Variants in PNLIPRP3 observed in about 807,000 individuals in gnomAD.
The protein encoded by PNLIPRP3 is pancreatic lipase-related protein 3.
A neutral mutation model predicts 52.8 loss-of-function variants in PNLIPRP3; 58 were observed. That is an observed-to-expected ratio of 1.10 (90% CI 0.89 to 1.37). The LOEUF is 1.37. Among genes scored for constraint, PNLIPRP3 ranks in the 40% most tolerant of loss-of-function variants. The pLI is 0.00. For synonymous variants in PNLIPRP3, 192 were observed against 185.0 expected (o/e 1.04, Z -0.31); for missense variants, 593 against 561.6 (o/e 1.06, Z -0.57).
intron 1 of PNLIPRP3, among the ~76,000 whole-genome samples, chr10:116,434,554 T>C (rs1845750446): frequency 6.6e-6 from 1 of 152,190 alleles, no homozygotes; most frequent in South Asian, 2.1e-4. Context: ...TCCATTTTCC[T>C]TTAACTTTAC....
chr10:116,440,773 AC>A (rs1160706608), intron 2 of PNLIPRP3, among the ~76,000 whole-genome samples: 3 of 152,158 alleles, frequency 2.0e-5, no homozygotes, highest in Non-Finnish European at 4.4e-5. Flanking sequence ...ACCTAGAGTG[AC>A]TTATACAGTC....
intron 1 of PNLIPRP3, 113 bp downstream of exon 1, chr10:116,428,174 A>G (rs1301650565): frequency 2.6e-6 from 2 of 760,170 alleles, no homozygotes; most frequent in Non-Finnish European, 2.1e-6. Flanking sequence ...TTTCATTCTT[A>G]AGTAGTTTAT....
chr10:116,476,575 C>A, intron 10 of PNLIPRP3, 77 bp from the exon 11 acceptor site: 2 of 1,158,980 alleles, frequency 1.7e-6, no homozygotes, highest in Non-Finnish European at 2.4e-6. Context: ...TTCCATAGTG[C>A]ATACACAGAT....
chr10:116,441,038 T>G (rs1366885448), intron 2 of PNLIPRP3, among the ~76,000 whole-genome samples: 1 of 152,188 alleles, frequency 6.6e-6, no homozygotes, highest in South Asian at 2.1e-4. Flanking sequence ...CTGTACAATA[T>G]TGACATCATT....
chr10:116,428,741 C>T (rs1845670588), intron 1 of PNLIPRP3, among the ~76,000 whole-genome samples: 1 of 152,064 alleles, frequency 6.6e-6, no homozygotes, highest in Non-Finnish European at 1.5e-5. Context: ...TATAAGCAAA[C>T]ATTAAAATTA....
chr10:116,434,160 C>G (rs965552223), intron 1 of PNLIPRP3, among the ~76,000 whole-genome samples: 1 of 152,128 alleles, frequency 6.6e-6, no homozygotes, highest in East Asian at 1.9e-4. Context: ...AAGAAGTACT[C>G]TTTCTCTCCT....
At chr10:116,460,190 C>A (rs1181752075) in intron 5 of PNLIPRP3, among the ~76,000 whole-genome samples, 1 of 152,186 alleles carries the variant, frequency 6.6e-6, no homozygotes, top group African/African-American at 2.4e-5. Flanking sequence ...GACTGGGGTG[C>A]CTTTCCCATC....
intron 7 of PNLIPRP3, among the ~76,000 whole-genome samples, chr10:116,461,992 G>C (rs767419385): frequency 2.6e-5 from 4 of 152,130 alleles, no homozygotes; most frequent in Non-Finnish European, 5.9e-5. Context: ...GAGGGAACCA[G>C]GCAGAGGGCA....
In PNLIPRP3 at chr10:116,444,397, G is replaced by T; in HGVS notation, c.340G>T (p.Glu114Ter). ...TTTGTGCCAGGTGTTGCTACAGCTGGAAGATATAAATTGCATTAATTTAGA... is the reference window on the plus strand; with the variant it reads ...TTTGTGCCAGGTGTTGCTACAGCTGTAAGATATAAATTGCATTAATTTAGA... Reference protein sequence around the residue: ...RDMCNVLLQLEDINCINLDWI... With the variant: ...RDMCNVLLQL Residue 114 changes from glutamate to a stop codon, truncating the protein, a stop_gained, in exon 4 of 12, where the codon GAA becomes TAA. Coordinates refer to ENST00000369230, the MANE Select transcript of PNLIPRP3 (RefSeq NM_001011709.3). LOFTEE classifies it high-confidence loss of function. The T allele has an allele frequency of 5.0e-6, 8 of 1,608,286 alleles. No homozygotes were observed. Among genetic ancestry groups the T allele is most frequent in the Non-Finnish European group, 5.1e-6 (6 of 1,176,898 alleles).
chr10:116,473,201 G>A (rs1014120740), intron 10 of PNLIPRP3, among the ~76,000 whole-genome samples: 3 of 152,232 alleles, frequency 2.0e-5, no homozygotes, highest in Non-Finnish European at 4.4e-5. Context: ...AGCATTGAAG[G>A]TTCACAGCAG....
chr10:116,461,142 A>T (rs543246754), intron 6 of PNLIPRP3, 26 bp from the exon 7 acceptor site: 1 of 1,614,176 alleles, frequency 6.2e-7, no homozygotes, highest in Admixed American at 1.7e-5. Flanking sequence ...TTTTAGAGGC[A>T]TTTACCCTGT....
intron 5 of PNLIPRP3, among the ~76,000 whole-genome samples, chr10:116,458,850 T>A (rs931550103): frequency 3.3e-5 from 5 of 152,144 alleles, no homozygotes; most frequent in African/African-American, 4.8e-5. Flanking sequence ...CCTAGCCTAT[T>A]GCATTCCTCT....
At chr10:116,460,816 T>C in intron 5 of PNLIPRP3, 150 bp from the exon 6 acceptor site, 2 of 1,068,636 alleles carry the variant, frequency 1.9e-6, no homozygotes, top group Non-Finnish European at 1.3e-6. Context: ...ATAGAGACCC[T>C]ACATTTATAG....
intron 1 of PNLIPRP3, among the ~76,000 whole-genome samples, chr10:116,435,046 T>C (rs1049697748): frequency 1.3e-5 from 2 of 152,174 alleles, no homozygotes; most frequent in African/African-American, 4.8e-5. Context: ...ATTTGAATCA[T>C]CTCCTTTGAA....
Position 116,477,390 on chromosome 10 carries a change from G to T in PNLIPRP3, c.*237G>T, listed in dbSNP as rs142739759. On this transcript the variant is annotated 3_prime_UTR_variant, in exon 12 of 12. Transcript: ENST00000369230. ...AATTACTATGATCTGTAGGAATCTG[G>T]ATATCATTGACAAAATAGAGCTGTT... 7.6e-4 allele frequency: 244 copies of T among 321,072 alleles called. 4 individuals carry two copies. In the East Asian group the frequency reaches 0.013, roughly 18 times the overall value. 19.9% of individuals were successfully genotyped at this position (321,072 alleles called of 1,614,324 possible).
chr10:116,472,961 G>A (rs562667392), intron 10 of PNLIPRP3, among the ~76,000 whole-genome samples: 2 of 152,348 alleles, frequency 1.3e-5, no homozygotes, highest in South Asian at 4.1e-4. Flanking sequence ...GAGCAGTTCA[G>A]CATAATCATG....
intron 9 of PNLIPRP3, among the ~76,000 whole-genome samples, chr10:116,471,138 C>T (rs1210666774): frequency 3.9e-5 from 6 of 152,082 alleles, no homozygotes; most frequent in Non-Finnish European, 7.4e-5. Context: ...TGTTATTAAG[C>T]GTACAGTAAT....
chr10:116,433,809 A>G (rs142330536), intron 1 of PNLIPRP3, among the ~76,000 whole-genome samples: 2 of 151,606 alleles, frequency 1.3e-5, no homozygotes, highest in South Asian at 2.1e-4. Flanking sequence ...GGTAAATCAG[A>G]GCTAGGCCCA....
chr10:116,442,785 G>A (rs1196335910), intron 2 of PNLIPRP3, among the ~76,000 whole-genome samples: 1 of 152,122 alleles, frequency 6.6e-6, no homozygotes, highest in African/African-American at 2.4e-5. Flanking sequence ...GATGGCTTGA[G>A]CCCAGGAGTT....
Sources: gnomAD v4.1 joint callset for allele counts (sites outside exome capture counted in the v4.1 genomes callset) on GRCh38, gnomAD v4.1.1 for gene constraint, MANE v1.5 for transcripts, NCBI Gene and HGNC (gene_info 2026-07-23, HGNC 2026-07-21) for gene names.